The following MTOR variants were observed in gnomAD, a reference collection of about 807,000 sequenced individuals.
MTOR encodes the protein mechanistic target of rapamycin kinase.
MTOR carries 70 observed loss-of-function variants against 319.8 expected under a neutral mutation model. That is an observed-to-expected ratio of 0.22 (90% CI 0.18 to 0.27). The LOEUF (loss-of-function observed/expected upper bound fraction) is 0.27. Ranked by LOEUF, MTOR falls within the 10% of genes least tolerant of loss-of-function variation. The probability of loss-of-function intolerance (pLI) is 1.00; values close to 1 mark genes in which losing one functional copy is unlikely to be tolerated. For synonymous variants in MTOR, 1,183 were observed against 1,211.4 expected (o/e 0.98, Z 0.49); for missense variants, 1,890 against 3,274.4 (o/e 0.58, Z 10.32).
chr1:11,175,690 G>A (rs1334874850), intron 28 of MTOR, among the ~76,000 whole-genome samples: 1 of 152,022 alleles, frequency 6.6e-6, no homozygotes, highest in African/African-American at 2.4e-5. Context: ...AGCTCACGTG[G>A]GCAGTGGCGC....
rs960308119 is a variant in MTOR, at chr1:11,109,230, C to T, written c.7528+60G>A. ...ACTGGACATGGGGCTGACCACCACT[C>T]AGAGAGGAAAGTGTGCTCAGATTTT... On this transcript the variant is annotated intron_variant, in intron 56 of 57. Transcript: ENST00000361445. This position sits in a 1 kb window ranked among gnomAD's most constrained non-coding sequence, Gnocchi z 4.0. 1 of 1,509,012 alleles carries T rather than the reference C, an allele frequency of 6.6e-7. No individual in the cohort carries two copies. Among genetic ancestry groups the T allele is most frequent in the African/African-American group, 1.4e-5 (1 of 72,536 alleles). The allele number at this position is 1,509,012 out of a possible 1,614,324, so 93.5% of individuals were successfully genotyped here.
rs764780886 is a variant in MTOR at position 11,204,653 on chromosome 1, C to T, written c.3852G>A (p.Leu1284=). ...TCAGCAGCTCCAGGCTCAGCCGTCT[C>T]AGCCATTCCAGCCAGTCATCTTTGG... The part of the protein sequence containing the change: ...RVSKDDWLEW[L]RRLSLELLKD... Residue 1284 remains leucine, a synonymous_variant, in exon 26 of 58, where the codon CTG becomes CTA. Transcript: ENST00000361445. 1.9e-6 allele frequency: 3 copies of T among 1,614,152 alleles called. No homozygotes were observed. The highest frequency in any genetic ancestry group is 2.2e-5 in the South Asian group (2 of 91,088).
intron 24 of MTOR, 30 bp from the exon 25 acceptor site, chr1:11,209,488 A>G (rs749622403): frequency 2.2e-5 from 35 of 1,613,178 alleles, no homozygotes; most frequent in East Asian, 1.1e-4. Flanking sequence ...GGAAACACCT[A>G]TAACTCTACT....
intron 29 of MTOR, among the ~76,000 whole-genome samples, chr1:11,162,070 G>A (rs138581811): frequency 0.059 from 9,000 of 152,128 alleles, 381 homozygotes; most frequent in South Asian, 0.12. Flanking sequence ...TAGAATAACT[G>A]GTGTAGAGAA....
At chr1:11,167,728 G>T (rs145676512) in intron 28 of MTOR, among the ~76,000 whole-genome samples, 1 of 152,180 alleles carries the variant, frequency 6.6e-6, no homozygotes, top group Admixed American at 6.5e-5. Context: ...GATTCTGGGG[G>T]TCAGTAATGG....
chr1:11,234,382 T>G (rs966492048), intron 13 of MTOR, 117 bp from the exon 14 acceptor site: 2 of 1,184,114 alleles, frequency 1.7e-6, no homozygotes, highest in South Asian at 3.0e-5. Context: ...CCACGACAGA[T>G]GAAGTAGCTG....
At position 11,122,047 on chromosome 1, in the gene MTOR, C is replaced by A. The variant is rs181023452; in HGVS notation, c.6742G>T (p.Ala2248Ser). The A allele has an allele frequency of 3.7e-6, 6 of 1,614,194 alleles. No homozygotes were observed. In the East Asian group the frequency reaches 1.3e-4, roughly 36 times the overall value. The change falls in exon 48 of 58, where the codon GCC (alanine) becomes TCC (serine). Residue 2248 changes from alanine (A) to serine (S), a missense_variant. By Grantham distance (99) the Ala-to-Ser change is moderately conservative. Around this residue, in one of 15 missense-constraint regions of MTOR, gnomAD observed 249 missense variants for 596.2 expected, o/e 0.42. Coordinates refer to ENST00000361445, the MANE Select transcript of MTOR (RefSeq NM_004958.4). ...TTCTCCCTGTAGTCCCGGATGAGGG[C>A]GTGCAGTGTGTCACAGTGGGGAACC... ...GWVPHCDTLHALIRDYREKKK... is the reference protein window; with the variant it reads ...GWVPHCDTLHSLIRDYREKKK...
chr1:11,254,730 C>T lies in MTOR; in HGVS notation c.706-757G>A, dbSNP rs189196746. Reference sequence around the variant, plus strand: ...TTGTATCTCACTGATTTTGAGACACCTATTTTTCCGTATTTTAACATCTCT... The same window carrying T: ...TTGTATCTCACTGATTTTGAGACACTTATTTTTCCGTATTTTAACATCTCT... On this transcript the variant is annotated intron_variant, in intron 5 of 57. Coordinates refer to ENST00000361445, the MANE Select transcript of MTOR (RefSeq NM_004958.4). Among the ~76,000 whole-genome samples, 516 of 151,514 alleles carry T rather than the reference C, an allele frequency of 3.4e-3. 14 individuals are homozygous for T. Among genetic ancestry groups the T allele is most frequent in the Non-Finnish European group, 1.2e-3 (79 of 67,878 alleles).
At position 11,122,047 on chromosome 1, in the gene MTOR, C is replaced by T. The variant is rs181023452; in HGVS notation, c.6742G>A (p.Ala2248Thr). 1.1e-5 allele frequency: 17 copies of T among 1,614,076 alleles called. No individual in the cohort carries two copies. Among genetic ancestry groups the T allele is most frequent in the Admixed American group, 5.0e-5 (3 of 59,994 alleles). ...TTCTCCCTGTAGTCCCGGATGAGGG[C>T]GTGCAGTGTGTCACAGTGGGGAACC... ...GWVPHCDTLH[A>T]LIRDYREKKK... Residue 2248 changes from alanine to threonine, a missense_variant, in exon 48 of 58, where the codon GCC becomes ACC. By Grantham distance (58) the Ala-to-Thr change is moderately conservative. This residue lies in a region of MTOR where 249 missense variants were observed against 596.2 expected (regional missense o/e 0.42). Coordinates refer to ENST00000361445, the MANE Select transcript of MTOR (RefSeq NM_004958.4).
rs1357279679 is a variant in MTOR at position 11,115,108 on chromosome 1, A to G, written c.7090-221T>C. Among the ~76,000 whole-genome samples the G allele has an allele frequency of 6.6e-6, 1 of 152,126 alleles. No homozygotes were observed. Among genetic ancestry groups the G allele is most frequent in the Non-Finnish European group, 1.5e-5 (1 of 68,020 alleles). On this transcript the variant is annotated intron_variant, in intron 51 of 57. Transcript: ENST00000361445. This position sits in a 1 kb window ranked among gnomAD's most constrained non-coding sequence, Gnocchi z 4.5. Reference sequence around the variant, plus strand: ...AGAAAAGAAGAGAAAACAAAAAGGAAAAAAGACAAATGTGCATCGTGTCCA... The same window carrying G: ...AGAAAAGAAGAGAAAACAAAAAGGAGAAAAGACAAATGTGCATCGTGTCCA...
At chr1:11,198,753 C>A (rs1645868020) in intron 28 of MTOR, among the ~76,000 whole-genome samples, 1 of 152,174 alleles carries the variant, frequency 6.6e-6, no homozygotes, top group Non-Finnish European at 1.5e-5. Flanking sequence ...GAGGAGCGAA[C>A]ATAACCACAT....
intron 20 of MTOR, 90 bp from the exon 21 acceptor site, chr1:11,213,656 CTG>C: frequency 7.9e-7 from 1 of 1,260,178 alleles, no homozygotes; most frequent in Non-Finnish European, 1.1e-6. Context: ...AAAAGCAAAA[CTG>C]TAGTGAGCAT....
At position 11,258,537 on chromosome 1, in the gene MTOR, T is replaced by C; in HGVS notation, c.219A>G (p.Glu73=). 1 of 1,614,146 alleles carries C rather than the reference T, an allele frequency of 6.2e-7. No individual in the cohort carries two copies. Among genetic ancestry groups the C allele is most frequent in the Non-Finnish European group, 8.5e-7 (1 of 1,180,036 alleles). ...CATTGGCATCTGAGCTGGAAACCAATTCAAAAATGTGATGGTTCAGTTGGT... is the reference window on the plus strand; with the variant it reads ...CATTGGCATCTGAGCTGGAAACCAACTCAAAAATGTGATGGTTCAGTTGGT... The part of the protein sequence containing the change: ...FYDQLNHHIF[E]LVSSSDANER... The change falls in exon 3 of 58, where the codon GAA becomes GAG. Residue 73 remains glutamate, a synonymous_variant. Transcript: ENST00000361445.
At chr1:11,214,974 T>C (rs1231438255) in intron 20 of MTOR, among the ~76,000 whole-genome samples, 1 of 152,142 alleles carries the variant, frequency 6.6e-6, no homozygotes, top group East Asian at 1.9e-4. Flanking sequence ...CAAAGACTAT[T>C]TTCTTCCCAG....
chr1:11,194,436 T>C (rs1410363114), intron 28 of MTOR: 1 of 1,612,380 alleles, frequency 6.2e-7, no homozygotes, highest in Non-Finnish European at 8.5e-7. Flanking sequence ...CTGCACTTTC[T>C]TTAAGGCTCT....
chr1:11,148,392 G>A (rs899561387), intron 31 of MTOR, among the ~76,000 whole-genome samples: 1 of 152,134 alleles, frequency 6.6e-6, no homozygotes, highest in Non-Finnish European at 1.5e-5. Flanking sequence ...TGTCCCTAGT[G>A]CCTGGTATAG....
chr1:11,174,942 A>G (rs1644936033), intron 28 of MTOR, among the ~76,000 whole-genome samples: 1 of 152,160 alleles, frequency 6.6e-6, no homozygotes, highest in East Asian at 1.9e-4. Context: ...GAACACAAAC[A>G]AGTTTAAAGA....
rs764295434 is a variant in MTOR, at chr1:11,133,213, C to G, written c.5247-16G>C. On this transcript the variant is annotated splice_polypyrimidine_tract_variant and intron_variant, in intron 37 of 57. Transcript: ENST00000361445. This position sits in a 1 kb window ranked among gnomAD's most constrained non-coding sequence, Gnocchi z 4.0. The stretch of plus-strand genomic sequence containing the variant: ...CAGGAAGCATCTGGAAGCAGAGAAA[C>G]AAGCCCCCATGACATTCCCTCCTCA... The G allele has an allele frequency of 9.3e-6, 15 of 1,610,298 alleles. No individual in the cohort carries two copies. The highest frequency in any genetic ancestry group is 1.3e-5 in the Non-Finnish European group (15 of 1,176,538).
At position 11,129,507 on chromosome 1, in the gene MTOR, C is replaced by T. The variant is rs1643009672; in HGVS notation, c.5714+231G>A. On this transcript the variant is annotated intron_variant, in intron 40 of 57. Transcript: ENST00000361445. This position sits in a 1 kb window ranked among gnomAD's most constrained non-coding sequence, Gnocchi z 4.7. Reference sequence around the variant, plus strand: ...TTAATAATCCCTCCATAATAAACCACACATGGAGAGTTCTCACTCCACTTC... The same window carrying T: ...TTAATAATCCCTCCATAATAAACCATACATGGAGAGTTCTCACTCCACTTC... 2.0e-5 allele frequency among the ~76,000 whole-genome samples: 3 copies of T among 152,228 alleles called. No homozygotes were observed. Among genetic ancestry groups the T allele is most frequent in the African/African-American group, 7.2e-5 (3 of 41,464 alleles).
Sources: gnomAD v4.1 joint callset for allele counts (sites outside exome capture counted in the v4.1 genomes callset) on GRCh38, gnomAD v4.1.1 for gene constraint, gnomAD v4.1.1 regional missense constraint, Gnocchi (gnomAD v3.1) non-coding constraint, MANE v1.5 for transcripts, NCBI Gene and HGNC (gene_info 2026-07-23, HGNC 2026-07-21) for gene names.